The following CRTC1 variants were observed in gnomAD, a reference collection of about 807,000 sequenced individuals.
CRTC1 encodes the protein CREB-regulated transcription coactivator 1.
CRTC1 carries 18 observed loss-of-function variants against 66.1 expected under a neutral mutation model. The observed-to-expected ratio is 0.27, with a 90% CI of 0.19 to 0.40. The LOEUF is 0.40. Ranked by LOEUF, CRTC1 falls within the 10% of genes least tolerant of loss-of-function variation. The pLI is 1.00. For synonymous variants in CRTC1, 416 were observed against 398.8 expected, an observed-to-expected ratio of 1.04 and a Z score of -0.51; for missense variants, 669 against 887.9, an observed-to-expected ratio of 0.75 and a Z score of 3.13.
chr19:18,742,891 G>A lies in CRTC1; in HGVS notation c.127-19G>A. On this transcript the variant is annotated intron_variant, in intron 1 of 13. Transcript: ENST00000321949. ...CTGGGAGGTGACCCCTCCCGCAGCTGCTGGCTTCTCTCTCGCAGCTCCAGC... is the reference window on the plus strand; with the variant it reads ...CTGGGAGGTGACCCCTCCCGCAGCTACTGGCTTCTCTCTCGCAGCTCCAGC... 1 of 1,594,584 alleles carries A rather than the reference G, an allele frequency of 6.3e-7. No individual in the cohort carries two copies. Among genetic ancestry groups the A allele is most frequent in the Non-Finnish European group, 8.6e-7 (1 of 1,163,252 alleles).
chr19:18,705,016 T>C (rs1408202026), intron 1 of CRTC1, among the ~76,000 whole-genome samples: 1 of 151,310 alleles, frequency 6.6e-6, no homozygotes, highest in Admixed American at 6.6e-5. Flanking sequence ...AGGGACCTCA[T>C]GTAAGGAGAA....
intron 1 of CRTC1, among the ~76,000 whole-genome samples, chr19:18,735,243 G>T (rs78626425): frequency 6.6e-6 from 1 of 152,108 alleles, no homozygotes; most frequent in South Asian, 2.1e-4. Context: ...CCCCAGGGCT[G>T]GGCAGAGGCC....
At chr19:18,703,899 C>T (rs765256054) in intron 1 of CRTC1, among the ~76,000 whole-genome samples, 2 of 152,228 alleles carry the variant, frequency 1.3e-5, no homozygotes, top group Non-Finnish European at 2.9e-5. Context: ...CGCCTGGCAA[C>T]GTGTTGCATT....
intron 1 of CRTC1, among the ~76,000 whole-genome samples, chr19:18,733,388 A>G (rs935297246): frequency 1.3e-5 from 2 of 152,180 alleles, no homozygotes; most frequent in Admixed American, 1.3e-4. Flanking sequence ...GAGAAACAAA[A>G]CGTGCTCACG....
chr19:18,712,999 G>A (rs933278681), intron 1 of CRTC1, among the ~76,000 whole-genome samples: 1 of 144,604 alleles, frequency 6.9e-6, no homozygotes, highest in Non-Finnish European at 1.5e-5. Flanking sequence ...CCCATCAGCA[G>A]TTACTCCCCG....
chr19:18,716,073 G>A (rs1600823772), intron 1 of CRTC1, among the ~76,000 whole-genome samples: 3 of 152,080 alleles, frequency 2.0e-5, no homozygotes, highest in South Asian at 2.1e-4. Flanking sequence ...GGATGCCTCC[G>A]GGATTCCCAG....
At chr19:18,747,411 C>T (rs1031725908) in intron 4 of CRTC1, among the ~76,000 whole-genome samples, 3 of 151,958 alleles carry the variant, frequency 2.0e-5, no homozygotes, top group Admixed American at 6.6e-5. Flanking sequence ...CCGAGGCAGG[C>T]GGATCACTTG....
chr19:18,775,536 G>A lies in CRTC1; in HGVS notation c.1513-105G>A, dbSNP rs189081378. 5.0e-4 allele frequency: 525 copies of A among 1,057,466 alleles called. 2 individuals are homozygous for A. In the African/African-American group the frequency reaches 7.9e-3, roughly 16 times the overall value. The allele number at this position is 1,057,466 out of a possible 1,614,324, so 65.5% of individuals were successfully genotyped here. ...GGGTGCCGAGCATCCTGCAGGGACA[G>A]AGTCCCCAGCTGCGGGCAGGACAGC... On this transcript the variant is annotated intron_variant, in intron 12 of 13. Transcript: ENST00000321949.
Position 18,778,709 on chromosome 19 carries a change from A to G in CRTC1, c.*1327A>G, listed in dbSNP as rs1048193023. 19 of 230,642 alleles carry G rather than the reference A, an allele frequency of 8.2e-5. No individual in the cohort carries two copies. Among genetic ancestry groups the G allele is most frequent in the Non-Finnish European group, 1.2e-4 (14 of 116,468 alleles). The allele number at this position is 230,642 out of a possible 1,614,324, so 14.3% of individuals were successfully genotyped here. ...GTGTGTGTGTGAAGATGCCATGACC[A>G]GTGGCAGCTGAGACCTCTCTGCCCC... On this transcript the variant is annotated 3_prime_UTR_variant, in exon 14 of 14. Coordinates refer to ENST00000321949, the MANE Select transcript of CRTC1 (RefSeq NM_015321.3).
At position 18,771,027 on chromosome 19, in the gene CRTC1, CAT is replaced by C. The variant is rs527974061; in HGVS notation, c.1321-414_1321-413del. Reference sequence around the variant, plus strand: ...GTACATTCATGTGTGGATATGTGCACATGTGTGGGTGTGCATGTGTGGGTATG... The same window carrying C: ...GTACATTCATGTGTGGATATGTGCACGTGTGGGTGTGCATGTGTGGGTATG... On this transcript the variant is annotated intron_variant, in intron 10 of 13. Transcript: ENST00000321949. This position sits in a 1 kb window ranked among gnomAD's most constrained non-coding sequence, Gnocchi z 4.6. Among the ~76,000 whole-genome samples the C allele has an allele frequency of 6.9e-4, 102 of 148,054 alleles. 2 individuals carry two copies. The South Asian group carries it at 0.021, about 31-fold the overall frequency.
chr19:18,687,152 A>AT (rs2052704762), intron 1 of CRTC1, among the ~76,000 whole-genome samples: 1 of 150,068 alleles, frequency 6.7e-6, no homozygotes, highest in Non-Finnish European at 1.5e-5. Context: ...AGTAGCTGGG[A>AT]TTACAGGCAT....
Position 18,780,575 on chromosome 19 carries a change from C to A in CRTC1, c.*3193C>A, listed in dbSNP as rs1413061297. On this transcript the variant is annotated 3_prime_UTR_variant, in exon 14 of 14. Coordinates refer to ENST00000321949, the MANE Select transcript of CRTC1 (RefSeq NM_015321.3). ...AGCCAGGAGGGCCCCCCATGTCCAT[C>A]CATCCCTCCTGCTGGGGCTTGGATG... 4.3e-6 allele frequency: 1 copy of A among 230,782 alleles called. No individual in the cohort carries two copies. Among genetic ancestry groups the A allele is most frequent in the Non-Finnish European group, 8.6e-6 (1 of 116,616 alleles). The allele number at this position is 230,782 out of a possible 1,614,324, so 14.3% of individuals were successfully genotyped here.
intron 1 of CRTC1, among the ~76,000 whole-genome samples, chr19:18,727,580 C>CAAAAA (rs60907638): frequency 2.1e-4 from 11 of 51,804 alleles, no homozygotes; most frequent in South Asian, 2.2e-3. Context: ...GACTCTGTCT[C>CAAAAA]AAAAAAAAAA....
chr19:18,775,221 C>T (rs771868815), intron 12 of CRTC1, among the ~76,000 whole-genome samples: 7 of 152,206 alleles, frequency 4.6e-5, no homozygotes, highest in East Asian at 1.9e-4. Context: ...ACCTACAGAG[C>T]GGAGGCCGAG....
At chr19:18,740,021 G>A (rs542176826) in intron 1 of CRTC1, among the ~76,000 whole-genome samples, 4 of 152,308 alleles carry the variant, frequency 2.6e-5, no homozygotes, top group Admixed American at 2.0e-4. Context: ...CGGAGGCTGA[G>A]GCGGGCGAAT....
chr19:18,711,721 G>T (rs1242717929), intron 1 of CRTC1, among the ~76,000 whole-genome samples: 1 of 152,176 alleles, frequency 6.6e-6, no homozygotes, highest in South Asian at 2.1e-4. Flanking sequence ...GCGTTGGGAG[G>T]GGGTGTGTGA....
chr19:18,746,607 G>A (rs759162264), intron 3 of CRTC1, among the ~76,000 whole-genome samples: 5 of 150,826 alleles, frequency 3.3e-5, no homozygotes, highest in Non-Finnish European at 5.9e-5. Context: ...CTTGTTCTCC[G>A]GTTCTCATTT....
chr19:18,745,506 C>T (rs1244337020), intron 2 of CRTC1, among the ~76,000 whole-genome samples: 2 of 152,188 alleles, frequency 1.3e-5, no homozygotes, highest in East Asian at 3.8e-4. Context: ...CCTAGGCCGG[C>T]TACATCCCTG....
chr19:18,754,606 A>C (rs1261728758), intron 6 of CRTC1, among the ~76,000 whole-genome samples: 1 of 152,240 alleles, frequency 6.6e-6, no homozygotes, highest in Non-Finnish European at 1.5e-5. Flanking sequence ...GTGTTTTTTA[A>C]AGGTATTTTC....
Sources: allele counts gnomAD v4.1 joint callset (sites outside exome capture counted in the v4.1 genomes callset), GRCh38; gene constraint gnomAD v4.1.1; non-coding constraint Gnocchi (gnomAD v3.1); transcripts MANE v1.5; gene names NCBI Gene and HGNC (gene_info 2026-07-23, HGNC 2026-07-21).